The following RAPGEF6 variants were observed in gnomAD, a reference collection of about 807,000 sequenced individuals.
RAPGEF6 encodes the protein Rap guanine nucleotide exchange factor 6, also known as PDZ domain containing guanine nucleotide exchange factor (GEF) 2.
RAPGEF6 carries 56 observed loss-of-function variants against 171.4 expected under a neutral mutation model. The ratio of observed to expected loss-of-function variants is 0.33; its 90% CI spans 0.26 to 0.41. The LOEUF (loss-of-function observed/expected upper bound fraction) is 0.41. RAPGEF6 is among the 10% of genes least tolerant of loss of function. RAPGEF6 has a pLI of 1.00. For synonymous variants in RAPGEF6, 692 were observed against 650.1 expected (o/e 1.06, Z -0.98); for missense variants, 1,674 against 1,921.4 (o/e 0.87, Z 2.41).
chr5:131,561,821 C>T (rs1761622334), intron 5 of RAPGEF6, among the ~76,000 whole-genome samples, 157 bp downstream of exon 5: 1 of 151,978 alleles, frequency 6.6e-6, no homozygotes, highest in Non-Finnish European at 1.5e-5. Flanking sequence ...TCTGAAGAGA[C>T]AGAAATAGAT....
At chr5:131,456,566 T>C (rs1282102749) in intron 19 of RAPGEF6, among the ~76,000 whole-genome samples, 1 of 152,196 alleles carries the variant, frequency 6.6e-6, no homozygotes, top group Non-Finnish European at 1.5e-5. Context: ...GGATTTTAAA[T>C]AGGCTCAGAT....
chr5:131,457,441 G>A (rs1054266427), intron 19 of RAPGEF6, among the ~76,000 whole-genome samples: 3 of 152,140 alleles, frequency 2.0e-5, no homozygotes, highest in Non-Finnish European at 4.4e-5. Context: ...AGGAGAGAAG[G>A]GAGACACTCT....
intron 12 of RAPGEF6, among the ~76,000 whole-genome samples, chr5:131,497,779 C>T (rs896023164): frequency 6.6e-6 from 1 of 152,132 alleles, no homozygotes; most frequent in Non-Finnish European, 1.5e-5. Flanking sequence ...AAAGACACAC[C>T]AGACAATTAT....
intron 4 of RAPGEF6, among the ~76,000 whole-genome samples, chr5:131,570,751 C>T (rs1762228887): frequency 6.6e-6 from 1 of 151,934 alleles, no homozygotes; most frequent in Non-Finnish European, 1.5e-5. Context: ...AAGTAAAATA[C>T]TCTCTCTATA....
intron 1 of RAPGEF6, among the ~76,000 whole-genome samples, chr5:131,626,075 T>TG (rs1765910958): frequency 1.3e-5 from 2 of 152,220 alleles, no homozygotes; most frequent in Non-Finnish European, 2.9e-5. Context: ...ATTTATAAGA[T>TG]GGAGTCCAAA....
chr5:131,544,042 A>G (rs1267191021), intron 6 of RAPGEF6, among the ~76,000 whole-genome samples: 2 of 152,052 alleles, frequency 1.3e-5, no homozygotes, highest in Non-Finnish European at 2.9e-5. Context: ...ATAATAATAA[A>G]ATCTGACAAT....
At chr5:131,465,132 C>T (rs1420817900) in intron 17 of RAPGEF6, among the ~76,000 whole-genome samples, 1 of 151,782 alleles carries the variant, frequency 6.6e-6, no homozygotes, top group Admixed American at 6.6e-5. Flanking sequence ...ACACTTAGTC[C>T]AACTATGAAG....
At chr5:131,554,329 G>A (rs987152432) in intron 5 of RAPGEF6, among the ~76,000 whole-genome samples, 1 of 152,290 alleles carries the variant, frequency 6.6e-6, no homozygotes, top group Middle Eastern at 3.4e-3. Flanking sequence ...CATAATACAA[G>A]TGTTACTATT....
chr5:131,455,345 G>A (rs947845469), intron 20 of RAPGEF6, among the ~76,000 whole-genome samples: 2 of 152,248 alleles, frequency 1.3e-5, no homozygotes, highest in East Asian at 3.9e-4. Flanking sequence ...TGTAAGCTCC[G>A]CCTCCCGGGC....
intron 17 of RAPGEF6, among the ~76,000 whole-genome samples, chr5:131,468,875 C>G (rs1721348817): frequency 6.6e-6 from 1 of 152,160 alleles, no homozygotes; most frequent in Non-Finnish European, 1.5e-5. Flanking sequence ...TGCAAAGAGC[C>G]AGATAGTAAA....
intron 5 of RAPGEF6, among the ~76,000 whole-genome samples, chr5:131,558,977 T>C (rs1410210517): frequency 6.6e-6 from 1 of 152,182 alleles, no homozygotes; most frequent in Non-Finnish European, 1.5e-5. Context: ...GAGGTTCAAA[T>C]CCTCAATATC....
chr5:131,430,579 C>T, intron 26 of RAPGEF6: 1 of 523,332 alleles, frequency 1.9e-6, no homozygotes, highest in Non-Finnish European at 3.6e-6. Context: ...TGATATTCCT[C>T]AATAAAACCA....
intron 6 of RAPGEF6, among the ~76,000 whole-genome samples, chr5:131,528,334 TATATACACACAC>T (rs1759120243): frequency 5.3e-5 from 2 of 37,988 alleles, no homozygotes; most frequent in African/African-American, 1.4e-4. Flanking sequence ...TATATATATA[TATATACACACAC>T]ACACACATAT....
intron 6 of RAPGEF6, among the ~76,000 whole-genome samples, chr5:131,526,088 A>T (rs780656612): frequency 3.9e-5 from 6 of 152,300 alleles, no homozygotes; most frequent in South Asian, 2.1e-4. Context: ...AACTCTGCTG[A>T]TGACATAAAA....
At chr5:131,558,908 CTGT>C (rs552246051) in intron 5 of RAPGEF6, among the ~76,000 whole-genome samples, 81 of 152,234 alleles carry the variant, frequency 5.3e-4, no homozygotes, top group African/African-American at 1.7e-3. Context: ...TAGGCGTACT[CTGT>C]TGTTGATAAG....
Position 131,479,640 on chromosome 5 carries a change from T to C in RAPGEF6, c.1954A>G (p.Ile652Val), listed in dbSNP as rs1755335037. The change falls in exon 16 of 28, where the codon ATT becomes GTT. Residue 652 changes from isoleucine to valine, a missense_variant. Ile to Val is a conservative substitution (Grantham distance 29). This residue lies in a region of RAPGEF6 where 1,116 missense variants were observed against 1,321.5 expected (regional missense o/e 0.84). Transcript: ENST00000509018. The stretch of plus-strand genomic sequence containing the variant: ...CCTTTCTCCTGTGATGTCTGTTCAA[T>C]ATCTCCTGGCACATGCTGGATAGAA... Reference protein sequence around the residue: ...RHSIQHVPGDIEQTSQEKGSK... With the variant: ...RHSIQHVPGDVEQTSQEKGSK... 1.1e-5 allele frequency: 17 copies of C among 1,614,104 alleles called. No individual in the cohort carries two copies. Among genetic ancestry groups the C allele is most frequent in the Non-Finnish European group, 1.4e-5 (17 of 1,179,992 alleles).
At chr5:131,548,639 T>C (rs1014590587) in intron 5 of RAPGEF6, among the ~76,000 whole-genome samples, 3 of 152,218 alleles carry the variant, frequency 2.0e-5, no homozygotes, top group Admixed American at 6.5e-5. Context: ...ACTTAATGCA[T>C]GACAACAGCC....
In RAPGEF6 at chr5:131,508,127, T is replaced by C; in HGVS notation, c.886A>G (p.Met296Val). 1.2e-6 allele frequency: 2 copies of C among 1,613,578 alleles called. No homozygotes were observed. The highest frequency in any genetic ancestry group is 1.7e-6 in the Non-Finnish European group (2 of 1,179,704). The change falls in exon 9 of 28, where the codon ATG (methionine) becomes GTG (valine). Residue 296 changes from methionine to valine, a missense_variant. Around this residue, in one of 3 missense-constraint regions of RAPGEF6, gnomAD observed 1,116 missense variants for 1,321.5 expected, o/e 0.84. Transcript: ENST00000509018. ...GCCTGCTCTACCACTTCAAAAATCA[T>C]CACTGAGCAGAGTTCTCTCCTTACA... ...MSVRRELCSVMIFEVVEQAGA... is the reference protein window; with the variant it reads ...MSVRRELCSVVIFEVVEQAGA...
intron 1 of RAPGEF6, among the ~76,000 whole-genome samples, chr5:131,633,017 T>A (rs1470310265): frequency 6.6e-6 from 1 of 152,190 alleles, no homozygotes; most frequent in African/African-American, 2.4e-5. Flanking sequence ...ATGAACAGTT[T>A]AGAAAATTTC....
Sources: allele counts gnomAD v4.1 joint callset (sites outside exome capture counted in the v4.1 genomes callset), GRCh38; gene constraint gnomAD v4.1.1; regional missense constraint gnomAD v4.1.1; transcripts MANE v1.5; gene names NCBI Gene and HGNC (gene_info 2026-07-23, HGNC 2026-07-21).